Variants in AKAP8 observed in about 807,000 individuals in gnomAD.
AKAP8 encodes A-kinase anchoring protein 8.
A neutral mutation model predicts 67.5 loss-of-function variants in AKAP8; 24 were observed. The ratio of observed to expected loss-of-function variants is 0.36; its 90% CI spans 0.26 to 0.50. The LOEUF (loss-of-function observed/expected upper bound fraction) is 0.50, where lower values mean the gene tolerates loss of function less well. AKAP8 is among the 20% of genes least tolerant of loss of function. The pLI, the probability that AKAP8 is intolerant of heterozygous loss-of-function variation, is 0.97. For synonymous variants in AKAP8, 400 were observed against 371.1 expected (o/e 1.08, Z -0.90); for missense variants, 971 against 955.9 (o/e 1.02, Z -0.21).
intron 6 of AKAP8, 97 bp downstream of exon 6, chr19:15,372,121 C>A: frequency 6.2e-7 from 1 of 1,608,336 alleles, no homozygotes; most frequent in South Asian, 1.1e-5. Flanking sequence ...AACATGCCAC[C>A]TGCGAGTGTC....
At chr19:15,376,681 A>G (rs1209318798) in intron 2 of AKAP8, among the ~76,000 whole-genome samples, 1 of 152,190 alleles carries the variant, frequency 6.6e-6, no homozygotes, top group African/African-American at 2.4e-5. Context: ...TAACAAAAAT[A>G]TTTTGCCAAA....
intron 3 of AKAP8, 80 bp downstream of exon 3, chr19:15,374,519 ACCTC>A: frequency 1.3e-6 from 2 of 1,505,252 alleles, no homozygotes; most frequent in Non-Finnish European, 1.8e-6. Context: ...TCCACGCCAG[ACCTC>A]CCTGACGGGC....
intron 7 of AKAP8, 82 bp from the exon 8 acceptor site, chr19:15,370,261 C>CCACCAGGCAG: frequency 2.0e-6 from 3 of 1,533,418 alleles, no homozygotes; most frequent in East Asian, 2.3e-5. Flanking sequence ...TGGCCACTGC[C>CCACCAGGCAG]TGGTGGGCAG....
At chr19:15,378,020 A>G (rs1030847707) in intron 1 of AKAP8, among the ~76,000 whole-genome samples, 1 of 152,130 alleles carries the variant, frequency 6.6e-6, no homozygotes, top group African/African-American at 2.4e-5. Flanking sequence ...TGAGGCAGGA[A>G]CATATCCATG....
intron 5 of AKAP8, 34 bp downstream of exon 5, chr19:15,372,817 G>C (rs770308505): frequency 6.8e-7 from 1 of 1,478,520 alleles, no homozygotes; most frequent in Non-Finnish European, 9.0e-7. Context: ...AAAGAGAAGC[G>C]AAGGCGGCCG....
In AKAP8 at chr19:15,355,240, GCTGCTGTAATCACCT is replaced by G. The variant is rs1224789917; in HGVS notation, c.1739_1753del (p.Glu580_Ala584del). 6.2e-7 allele frequency: 1 copy of G among 1,611,678 alleles called. No individual in the cohort carries two copies. Among genetic ancestry groups the G allele is most frequent in the Non-Finnish European group, 8.5e-7 (1 of 1,180,038 alleles). On this transcript the variant is annotated inframe_deletion, in exon 14 of 14. Coordinates refer to ENST00000269701, the MANE Select transcript of AKAP8 (RefSeq NM_005858.4). ...TCCTTCCCCATCTACGGCCCTCACT[GCTGCTGTAATCACCT>G]CTGCTAAGACGTCCGCGGCCACCTC...
intron 9 of AKAP8, among the ~76,000 whole-genome samples, chr19:15,362,677 T>C: frequency 6.6e-6 from 1 of 151,654 alleles, no homozygotes. Context: ...GTGCCCAGGC[T>C]GGAGTGCAGT....
rs963109568 is a variant in AKAP8 at position 15,361,733 on chromosome 19, G to C, written c.1392C>G (p.Phe464Leu). The C allele has an allele frequency of 2.5e-6, 4 of 1,611,240 alleles. No homozygotes were observed. The highest frequency in any genetic ancestry group is 3.4e-6 in the Non-Finnish European group (4 of 1,177,472). Residue 464 changes from phenylalanine (F) to leucine (L), a missense_variant, in exon 11 of 14, where the codon TTC becomes TTG. Physicochemically the swap from Phe to Leu is conservative, Grantham distance 22. Coordinates refer to ENST00000269701, the MANE Select transcript of AKAP8 (RefSeq NM_005858.4). Reference protein sequence around the residue: ...KETAKPKPDPFKGIGQEHFFK... With the variant: ...KETAKPKPDPLKGIGQEHFFK... ...CATCCTGGGATGACAACTCACCTTT[G>C]AAAGGATCTGGTTTTGGTTTTGCGG... is the stretch of plus-strand genomic sequence containing the variant.
At chr19:15,359,274 G>A (rs990507147) in intron 12 of AKAP8, among the ~76,000 whole-genome samples, 5 of 152,218 alleles carry the variant, frequency 3.3e-5, no homozygotes, top group Non-Finnish European at 7.3e-5. Flanking sequence ...TAAATGCAAA[G>A]ATGCACCACT....
chr19:15,378,488 C>T (rs1967296928), intron 1 of AKAP8, among the ~76,000 whole-genome samples: 1 of 152,098 alleles, frequency 6.6e-6, no homozygotes, highest in Non-Finnish European at 1.5e-5. Flanking sequence ...GAATACAATA[C>T]CTGCAGAAAA....
chr19:15,378,668 T>C (rs935032955), intron 1 of AKAP8, among the ~76,000 whole-genome samples: 3 of 152,196 alleles, frequency 2.0e-5, no homozygotes, highest in Admixed American at 2.0e-4. Flanking sequence ...GGGATACTTT[T>C]GCCCTGCCAC....
intron 13 of AKAP8, among the ~76,000 whole-genome samples, chr19:15,357,955 T>C (rs1242984343): frequency 6.6e-6 from 1 of 151,920 alleles, no homozygotes; most frequent in African/African-American, 2.4e-5. Flanking sequence ...AGTACTGGGA[T>C]TACAGGTGTG....
chr19:15,376,102 CA>C (rs972749148), intron 2 of AKAP8, among the ~76,000 whole-genome samples: 1 of 152,066 alleles, frequency 6.6e-6, no homozygotes, highest in African/African-American at 2.4e-5. Context: ...ACTAATTTTT[CA>C]TTAGTTGGAT....
intron 12 of AKAP8, 73 bp from the exon 13 acceptor site, chr19:15,359,135 G>A (rs1263550926): frequency 3.6e-6 from 5 of 1,389,588 alleles, no homozygotes; most frequent in Non-Finnish European, 5.1e-6. Context: ...GCCAGGCTCT[G>A]CCGAGTCATC....
At chr19:15,359,904 C>T (rs992473815) in intron 12 of AKAP8, among the ~76,000 whole-genome samples, 7 of 151,882 alleles carry the variant, frequency 4.6e-5, no homozygotes, top group South Asian at 4.2e-4. Context: ...GAGGCTGAGG[C>T]GGGTGGATCA....
chr19:15,356,244 CA>C lies in AKAP8; in HGVS notation c.1624-875del, dbSNP rs935211549. Among the ~76,000 whole-genome samples the C allele has an allele frequency of 8.4e-4, 118 of 141,156 alleles. 1 individual carries two copies. In the East Asian group the frequency reaches 0.013, roughly 16 times the overall value. The allele number at this position is 141,156 out of a possible 152,430, so 92.6% of individuals were successfully genotyped here. On this transcript the variant is annotated intron_variant, in intron 13 of 13. Transcript: ENST00000269701. ...TGAAACCCCATCTCTACTAAAAATA[CA>C]AAAAAAAAAATTAGCCGGGCATGGT...
At chr19:15,379,626 G>A (rs919439609) in intron 1 of AKAP8, 87 bp downstream of exon 1, 3 of 1,488,254 alleles carry the variant, frequency 2.0e-6, no homozygotes, top group South Asian at 1.2e-5. Context: ...TCGGGACGAA[G>A]GCCCGGCCGG....
intron 3 of AKAP8, among the ~76,000 whole-genome samples, chr19:15,374,392 G>T (rs774594275): frequency 7.9e-5 from 12 of 152,180 alleles, no homozygotes; most frequent in Admixed American, 2.6e-4. Flanking sequence ...CCCAAAGCAC[G>T]GTCGCAGTCC....
intron 2 of AKAP8, among the ~76,000 whole-genome samples, chr19:15,374,944 C>A (rs1227827363): frequency 6.6e-6 from 1 of 152,186 alleles, no homozygotes; most frequent in Non-Finnish European, 1.5e-5. Flanking sequence ...CCAGGCCAGG[C>A]CCCAGGCAGA....
Sources: allele counts gnomAD v4.1 joint callset (sites outside exome capture counted in the v4.1 genomes callset), GRCh38; gene constraint gnomAD v4.1.1; transcripts MANE v1.5; gene names NCBI Gene and HGNC (gene_info 2026-07-23, HGNC 2026-07-21).